AKNA: variants seen among roughly 807,000 people sequenced by gnomAD.
The protein encoded by AKNA is microtubule organization protein AKNA.
Under a neutral mutation model 138.8 loss-of-function variants are expected in AKNA, and 67 were observed. The ratio of observed to expected loss-of-function variants is 0.48; its 90% CI spans 0.40 to 0.59. AKNA has a LOEUF of 0.59. Among genes scored for constraint, AKNA ranks in the 20% least tolerant of loss-of-function variants. AKNA has a pLI of 0.00. For synonymous variants in AKNA, 737 were observed against 754.4 expected (o/e 0.98, Z 0.38); for missense variants, 1,813 against 1,880.4 (o/e 0.96, Z 0.66).
In AKNA at chr9:114,336,752, T is replaced by G; in HGVS notation, c.*302A>C. ...ATAAAATACCTATTATTAGCTGGAG[T>G]TGCACACATGCAGGACCAGGAGAGA... On this transcript the variant is annotated 3_prime_UTR_variant, in exon 22 of 22. Coordinates refer to ENST00000374088, the MANE Select transcript of AKNA (RefSeq NM_001317950.2). The G allele has an allele frequency of 2.6e-6, 1 of 379,834 alleles. No homozygotes were observed. The highest frequency in any genetic ancestry group is 3.8e-5 in the East Asian group (1 of 26,158). 23.5% of individuals were successfully genotyped at this position (379,834 alleles called of 1,614,324 possible).
intron 16 of AKNA, among the ~76,000 whole-genome samples, chr9:114,347,494 G>C (rs905975915): frequency 1.3e-5 from 2 of 152,214 alleles, no homozygotes; most frequent in Non-Finnish European, 2.9e-5. Flanking sequence ...CTGGATTACA[G>C]GCATGAGCCA....
chr9:114,341,820 G>T, intron 20 of AKNA, 95 bp from the exon 21 acceptor site: 1 of 1,401,608 alleles, frequency 7.1e-7, no homozygotes, highest in Non-Finnish European at 9.7e-7. Context: ...CCCTATGAGA[G>T]CTGGACAGGC....
intron 12 of AKNA, among the ~76,000 whole-genome samples, 174 bp from the exon 13 acceptor site, chr9:114,357,143 A>G (rs1831558456): frequency 6.6e-6 from 1 of 152,142 alleles, no homozygotes; most frequent in South Asian, 2.1e-4. Context: ...AGGCCTCAGC[A>G]CAAGAATCTG....
chr9:114,364,190 T>C (rs1166584743), intron 7 of AKNA, among the ~76,000 whole-genome samples: 1 of 152,020 alleles, frequency 6.6e-6, no homozygotes, highest in African/African-American at 2.4e-5. Context: ...GAGACAGACC[T>C]GGCTCCAGGT....
chr9:114,388,884 C>G (rs1037937270), upstream of AKNA, among the ~76,000 whole-genome samples: 1 of 152,154 alleles, frequency 6.6e-6, no homozygotes, highest in Non-Finnish European at 1.5e-5. Context: ...GGTGACGATC[C>G]GTGTCCCAGG....
At chr9:114,359,265 T>C in intron 11 of AKNA, 1 of 356,162 alleles carries the variant, frequency 2.8e-6, no homozygotes, top group Non-Finnish European at 5.1e-6. Flanking sequence ...GATGGGGCTT[T>C]GCCGTTTTGC....
chr9:114,394,966 G>A (rs1469170865), upstream of AKNA, among the ~76,000 whole-genome samples: 2 of 152,196 alleles, frequency 1.3e-5, no homozygotes, highest in South Asian at 2.1e-4. Context: ...GGGGGCTGGG[G>A]GGAGAATGCT....
At chr9:114,342,626 A>G (rs921292743) in intron 19 of AKNA, among the ~76,000 whole-genome samples, 2 of 152,028 alleles carry the variant, frequency 1.3e-5, no homozygotes, top group African/African-American at 4.8e-5. Flanking sequence ...AGTGGGTGCC[A>G]TTGTTCTCTT....
At chr9:114,397,994 C>G (rs1273830503), upstream of AKNA, among the ~76,000 whole-genome samples, 1 of 152,222 alleles carries the variant, frequency 6.6e-6, no homozygotes, top group Admixed American at 6.5e-5. Context: ...CCTCACCTCC[C>G]CAGTAACCAC....
Position 114,356,898 on chromosome 9 carries a change from G to A in AKNA, c.2811C>T (p.Leu937=), listed in dbSNP as rs773788005. 2.5e-6 allele frequency: 4 copies of A among 1,568,984 alleles called. No individual in the cohort carries two copies. Among genetic ancestry groups the A allele is most frequent in the South Asian group, 1.2e-5 (1 of 84,374 alleles). ...VGSETSRVSP[L]TQTPEHRLSH... Reference sequence around the variant, plus strand: ...AGAGCCGGTGCTCTGGAGTCTGGGTGAGGGGTGAAACTCTGCTTGTTTCTG... The same window carrying A: ...AGAGCCGGTGCTCTGGAGTCTGGGTAAGGGGTGAAACTCTGCTTGTTTCTG... Residue 937 remains leucine, a synonymous_variant, in exon 13 of 22, where the codon CTC becomes CTT. Transcript: ENST00000374088.
chr9:114,360,979 C>T (rs904177283), intron 9 of AKNA, among the ~76,000 whole-genome samples: 4 of 152,152 alleles, frequency 2.6e-5, no homozygotes, highest in Admixed American at 6.5e-5. Flanking sequence ...CTCCCTCTCA[C>T]GGCCACTCCA....
At chr9:114,394,617 C>T (rs1834472149), upstream of AKNA, among the ~76,000 whole-genome samples, 1 of 152,234 alleles carries the variant, frequency 6.6e-6, no homozygotes, top group Non-Finnish European at 1.5e-5. Context: ...CAGCCTCAGC[C>T]ACTTTTTGCA....
intron 21 of AKNA, among the ~76,000 whole-genome samples, chr9:114,339,766 G>A (rs2636870): frequency 0.55 from 83,245 of 152,094 alleles, 23,673 homozygotes; most frequent in African/African-American, 0.71. Context: ...AGATTCCTTA[G>A]CGACTTGCTT....
At chr9:114,388,114 G>C, upstream of AKNA, 1 of 265,424 alleles carries the variant, frequency 3.8e-6, no homozygotes, top group Non-Finnish European at 8.1e-6. Context: ...AGAAGGAGGG[G>C]GTTTGTCTGC....
upstream of AKNA, among the ~76,000 whole-genome samples, chr9:114,397,224 G>A (rs962068511): frequency 6.6e-6 from 1 of 152,164 alleles, no homozygotes; most frequent in Non-Finnish European, 1.5e-5. Context: ...CATAGGTTCC[G>A]CTCCCCTGTT....
chr9:114,393,671 G>A (rs1264888887), intron 1 of AKNA, among the ~76,000 whole-genome samples: 2 of 151,936 alleles, frequency 1.3e-5, no homozygotes, highest in Admixed American at 6.6e-5. Context: ...GCCGTTAACA[G>A]TCATGCTATT....
At position 114,346,799 on chromosome 9, in the gene AKNA, G is replaced by C. The variant is rs769693334; in HGVS notation, c.3399-15C>G. On this transcript the variant is annotated splice_polypyrimidine_tract_variant and intron_variant, in intron 16 of 21. Coordinates refer to ENST00000374088, the MANE Select transcript of AKNA (RefSeq NM_001317950.2). ...CTGTGGATTTACTAGCAAAAGGAAA[G>C]AGAGATGATGTCATTGGATGAGGTT... The C allele has an allele frequency of 1.9e-6, 3 of 1,604,616 alleles. No homozygotes were observed. The highest frequency in any genetic ancestry group is 2.6e-6 in the Non-Finnish European group (3 of 1,173,014).
chr9:114,362,581 G>C, intron 7 of AKNA, 48 bp from the exon 8 acceptor site: 1 of 1,589,576 alleles, frequency 6.3e-7, no homozygotes, highest in Non-Finnish European at 8.6e-7. Flanking sequence ...GTCCCCGCGG[G>C]GCCTGTCCCT....
chr9:114,376,333 A>C (rs890206669), intron 3 of AKNA, 133 bp downstream of exon 3: 20 of 280,728 alleles, frequency 7.1e-5, no homozygotes, highest in East Asian at 3.6e-4. Context: ...AGGGCTTCCC[A>C]CCCCAGCCAG....
Sources: allele counts gnomAD v4.1 joint callset (sites outside exome capture counted in the v4.1 genomes callset), GRCh38; gene constraint gnomAD v4.1.1; transcripts MANE v1.5; gene names NCBI Gene and HGNC (gene_info 2026-07-23, HGNC 2026-07-21).